Variants in SGSM1 observed in about 807,000 individuals in gnomAD.
SGSM1 encodes the protein small G protein signaling modulator 1, also known as RUN and TBC1 domain containing 2.
SGSM1 carries 73 observed loss-of-function variants against 133.8 expected under a neutral mutation model. The ratio of observed to expected loss-of-function variants is 0.55; its 90% CI spans 0.45 to 0.66. The LOEUF (loss-of-function observed/expected upper bound fraction) is 0.66, where lower values mean the gene tolerates loss of function less well. Ranked by LOEUF, SGSM1 falls within the 30% of genes least tolerant of loss-of-function variation. The probability of loss-of-function intolerance (pLI) is 0.00; values close to 1 mark genes in which losing one functional copy is unlikely to be tolerated. For synonymous variants in SGSM1, 563 were observed against 573.0 expected (o/e 0.98, Z 0.25); for missense variants, 1,213 against 1,448.1 (o/e 0.84, Z 2.64).
At chr22:24,883,410 G>C (rs920934635) in intron 14 of SGSM1, among the ~76,000 whole-genome samples, 9 of 152,180 alleles carry the variant, frequency 5.9e-5, no homozygotes, top group Admixed American at 5.9e-4. Flanking sequence ...GACAGACAGA[G>C]GCACAGCAAG....
Position 24,850,449 on chromosome 22 carries a change from T to A in SGSM1, c.455+17T>A. 6.2e-7 allele frequency: 1 copy of A among 1,613,012 alleles called. No individual in the cohort carries two copies. The highest frequency in any genetic ancestry group is 8.5e-7 in the Non-Finnish European group (1 of 1,179,220). On this transcript the variant is annotated intron_variant, in intron 5 of 24. Transcript: ENST00000400358. ...AAACAGCAGGTGAGAGGGAAAGACC[T>A]GACACCTGGCCATGCTCTGCCCCCA...
chr22:24,919,905 G>A lies in SGSM1; in HGVS notation c.3105G>A (p.Leu1035=). 1 of 1,614,036 alleles carries A rather than the reference G, an allele frequency of 6.2e-7. No homozygotes were observed. Among genetic ancestry groups the A allele is most frequent in the East Asian group, 2.2e-5 (1 of 44,882 alleles). ...AKHVSSAHYV[L]FIALALVEVY... Reference sequence around the variant, plus strand: ...ACGTCTCCTCTGCGCACTACGTCCTGTTCATTGCGCTGGCTCTGGTGGAAG... The same window carrying A: ...ACGTCTCCTCTGCGCACTACGTCCTATTCATTGCGCTGGCTCTGGTGGAAG... Residue 1035 remains leucine (L), a synonymous_variant, in exon 24 of 25, where the codon CTG becomes CTA. Coordinates refer to ENST00000400358, the MANE Select transcript of SGSM1 (RefSeq NM_001098497.3).
At chr22:24,851,100 C>CAAA (rs68153757) in intron 5 of SGSM1, among the ~76,000 whole-genome samples, 1 of 95,770 alleles carries the variant, frequency 1.0e-5, no homozygotes, top group African/African-American at 3.2e-5. Context: ...GACTCCATCT[C>CAAA]AAAAAAAAAA....
intron 21 of SGSM1, among the ~76,000 whole-genome samples, chr22:24,908,094 C>T (rs1222311490): frequency 1.3e-5 from 2 of 151,986 alleles, no homozygotes; most frequent in African/African-American, 4.8e-5. Flanking sequence ...GACAGAGATA[C>T]TAAGACAATT....
At chr22:24,831,064 C>T (rs1407355695) in intron 2 of SGSM1, among the ~76,000 whole-genome samples, 1 of 152,090 alleles carries the variant, frequency 6.6e-6, no homozygotes, top group Non-Finnish European at 1.5e-5. Flanking sequence ...CCATTTGCAG[C>T]TTGTCTCTAT....
At chr22:24,845,435 G>A (rs1039756196) in intron 3 of SGSM1, among the ~76,000 whole-genome samples, 3 of 152,136 alleles carry the variant, frequency 2.0e-5, no homozygotes, top group African/African-American at 7.2e-5. Flanking sequence ...ATGTCTCCTT[G>A]AACCAGCTCT....
At chr22:24,889,411 CTT>C (rs535610385) in intron 16 of SGSM1, among the ~76,000 whole-genome samples, 49 of 136,766 alleles carry the variant, frequency 3.6e-4, no homozygotes, top group Non-Finnish European at 3.2e-4. Context: ...AAATGTATTT[CTT>C]TTTTTTTTTT....
chr22:24,858,590 C>T (rs1075541), intron 8 of SGSM1, among the ~76,000 whole-genome samples: 15,168 of 149,776 alleles, frequency 0.1, 917 homozygotes, highest in South Asian at 0.25. Context: ...GAGCCGAGAT[C>T]GCGCCGCTGT....
chr22:24,845,330 A>G (rs1476629896), intron 3 of SGSM1, among the ~76,000 whole-genome samples: 3 of 152,176 alleles, frequency 2.0e-5, no homozygotes, highest in Admixed American at 2.0e-4. Context: ...GGACTTTTAA[A>G]AAAGGGAACT....
intron 2 of SGSM1, among the ~76,000 whole-genome samples, chr22:24,828,369 A>G (rs912745459): frequency 6.6e-6 from 1 of 152,234 alleles, no homozygotes; most frequent in African/African-American, 2.4e-5. Flanking sequence ...TAAGTATTCT[A>G]TAAAAGCACC....
intron 2 of SGSM1, among the ~76,000 whole-genome samples, chr22:24,836,098 G>A (rs139644): frequency 0.78 from 118,734 of 152,008 alleles, 46,971 homozygotes; most frequent in African/African-American, 0.88. Context: ...ATTAAATAAT[G>A]CCTCCCCATT....
chr22:24,876,995 A>C (rs891025180), intron 13 of SGSM1, among the ~76,000 whole-genome samples: 2 of 152,232 alleles, frequency 1.3e-5, no homozygotes, highest in Non-Finnish European at 2.9e-5. Context: ...ATCATGGGTC[A>C]GCTGGTGGCT....
chr22:24,806,552 T>C, intron 2 of SGSM1, 68 bp downstream of exon 2: 1 of 1,466,450 alleles, frequency 6.8e-7, no homozygotes, highest in African/African-American at 1.5e-5. Context: ...GAAAAGAGTC[T>C]TCGTGGAAGG....
At chr22:24,850,958 G>A (rs893919099) in intron 5 of SGSM1, among the ~76,000 whole-genome samples, 5 of 152,008 alleles carry the variant, frequency 3.3e-5, no homozygotes, top group Admixed American at 2.0e-4. Context: ...AAAATTAGCC[G>A]GGCGTGGTGG....
chr22:24,878,620 T>C (rs115781573), intron 13 of SGSM1, among the ~76,000 whole-genome samples: 1,762 of 152,326 alleles, frequency 0.012, 16 homozygotes, highest in African/African-American at 0.04. Context: ...CTATCCTCTA[T>C]GAGAGTGTAC....
In SGSM1 at chr22:24,810,831, C is replaced by A. The variant is rs1202231709; in HGVS notation, c.63+4347C>A. ...TTTGGAGAACTGAGCCTCCCAGCCT[C>A]TGGGTTAGGGGTGATGAGATGGGAG... On this transcript the variant is annotated intron_variant, in intron 2 of 24. Coordinates refer to ENST00000400358, the MANE Select transcript of SGSM1 (RefSeq NM_001098497.3). 2.0e-5 allele frequency among the ~76,000 whole-genome samples: 3 copies of A among 152,104 alleles called. No individual in the cohort carries two copies. The East Asian group carries it at 5.8e-4, about 29-fold the overall frequency.
At chr22:24,807,061 C>T (rs190610047) in intron 2 of SGSM1, among the ~76,000 whole-genome samples, 1 of 152,114 alleles carries the variant, frequency 6.6e-6, no homozygotes, top group African/African-American at 2.4e-5. Flanking sequence ...TCACTCCCCC[C>T]GCCCCACTCC....
At chr22:24,919,038 G>GC (rs1435782669) in intron 23 of SGSM1, among the ~76,000 whole-genome samples, 2 of 130,398 alleles carry the variant, frequency 1.5e-5, no homozygotes, top group Non-Finnish European at 3.2e-5. Flanking sequence ...ACCACACCCG[G>GC]CCTTTTTTTT....
intron 9 of SGSM1, among the ~76,000 whole-genome samples, chr22:24,862,599 A>T (rs1284908594): frequency 6.6e-6 from 1 of 152,200 alleles, no homozygotes; most frequent in Non-Finnish European, 1.5e-5. Context: ...CAGGACCTGG[A>T]TTCATTCACT....
Sources: allele counts gnomAD v4.1 joint callset (sites outside exome capture counted in the v4.1 genomes callset), GRCh38; gene constraint gnomAD v4.1.1; transcripts MANE v1.5; gene names NCBI Gene and HGNC (gene_info 2026-07-23, HGNC 2026-07-21).